FAR2: variants seen among roughly 807,000 people sequenced by gnomAD.
FAR2 encodes fatty acyl-CoA reductase 2.
Under a neutral mutation model 56.0 loss-of-function variants are expected in FAR2, and 19 were observed. The observed-to-expected ratio is 0.34, with a 90% CI of 0.24 to 0.50. The LOEUF is 0.50. Among genes scored for constraint, FAR2 ranks in the 20% least tolerant of loss-of-function variants. The pLI is 0.98. For synonymous variants in FAR2, 219 were observed against 218.8 expected (o/e 1.00, Z -0.01); for missense variants, 508 against 642.2 (o/e 0.79, Z 2.26).
rs1163899239 is a variant in FAR2, at chr12:29,297,196, C to T, written c.541C>T (p.Leu181Phe). 1 of 1,610,806 alleles carries T rather than the reference C, an allele frequency of 6.2e-7. No homozygotes were observed. The highest frequency in any genetic ancestry group is 8.5e-7 in the Non-Finnish European group (1 of 1,178,942). The stretch of plus-strand genomic sequence containing the variant: ...GGAGCCAAAAAAAATCATTGATTCC[C>T]TTGAGTAAGTTGGTCTAATAAAAGG... ...PVEPKKIIDSLEWLDDAIIDE... is the reference protein window; with the variant it reads ...PVEPKKIIDSFEWLDDAIIDE... The change falls in exon 4 of 12, where the codon CTT (leucine) becomes TTT (phenylalanine). Residue 181 changes from leucine (L) to phenylalanine (F), a missense_variant. Leu to Phe is a conservative substitution (Grantham distance 22, BLOSUM62 0). Transcript: ENST00000536681.
chr12:29,151,783 G>A (rs1949683281), intron 1 of FAR2: 1 of 152,124 alleles, frequency 6.6e-6, no homozygotes, highest in Non-Finnish European at 1.5e-5. Flanking sequence ...TTTCCTCATT[G>A]ACAAAATAAA....
intron 1 of FAR2, among the ~76,000 whole-genome samples, chr12:29,260,406 T>C (rs1213805315): frequency 6.6e-6 from 1 of 152,154 alleles, no homozygotes; most frequent in Non-Finnish European, 1.5e-5. Context: ...CTCATGACAA[T>C]TGGGTAATGA....
At chr12:29,270,699 A>T in intron 2 of FAR2, 61 bp downstream of exon 2, 1 of 1,441,694 alleles carries the variant, frequency 6.9e-7, no homozygotes, top group Non-Finnish European at 9.4e-7. Flanking sequence ...GATTCACTAC[A>T]ATGTTCTCTT....
chr12:29,313,766 A>T (rs1435856547), intron 8 of FAR2, among the ~76,000 whole-genome samples: 1 of 150,336 alleles, frequency 6.7e-6, no homozygotes, highest in Non-Finnish European at 1.5e-5. Flanking sequence ...TTAATTCATA[A>T]TAGTTGTGTG....
At position 29,296,099 on chromosome 12, in the gene FAR2, A is replaced by G. The variant is rs139415401; in HGVS notation, c.366-922A>G. On this transcript the variant is annotated intron_variant, in intron 3 of 11. Transcript: ENST00000536681. ...CGTAATTTTTATCAGTGGACACCTTACTGAATTATAGTACATTTCAGTTTT... is the reference window on the plus strand; with the variant it reads ...CGTAATTTTTATCAGTGGACACCTTGCTGAATTATAGTACATTTCAGTTTT... 1.4e-4 allele frequency among the ~76,000 whole-genome samples: 21 copies of G among 152,284 alleles called. No individual in the cohort carries two copies. The East Asian group carries it at 3.9e-3, about 28-fold the overall frequency.
At chr12:29,263,119 C>T (rs1158499477) in intron 1 of FAR2, among the ~76,000 whole-genome samples, 1 of 152,006 alleles carries the variant, frequency 6.6e-6, no homozygotes, top group Non-Finnish European at 1.5e-5. Context: ...AATATATATG[C>T]ACCCAACACT....
intron 3 of FAR2, 45 bp downstream of exon 3, chr12:29,293,520 A>G (rs1436755403): frequency 3.0e-6 from 4 of 1,312,568 alleles, no homozygotes; most frequent in Non-Finnish European, 3.9e-6. Context: ...ATATGTGTGC[A>G]TGTAAATTTC....
intron 2 of FAR2, among the ~76,000 whole-genome samples, chr12:29,274,940 A>G (rs1271033911): frequency 6.8e-6 from 1 of 147,544 alleles, no homozygotes; most frequent in Non-Finnish European, 1.5e-5. Flanking sequence ...TGGTCTCCTC[A>G]AATGGACGCG....
At chr12:29,214,867 C>A (rs921109636) in intron 1 of FAR2, among the ~76,000 whole-genome samples, 1 of 151,558 alleles carries the variant, frequency 6.6e-6, no homozygotes, top group Non-Finnish European at 1.5e-5. Context: ...AAATAAAGAA[C>A]GTGAACATAG....
At chr12:29,226,432 C>G (rs1947769631) in intron 1 of FAR2, among the ~76,000 whole-genome samples, 1 of 152,102 alleles carries the variant, frequency 6.6e-6, no homozygotes, top group Non-Finnish European at 1.5e-5. Flanking sequence ...AGCCCTGGGA[C>G]AAGATCTTTG....
chr12:29,215,298 G>A (rs183239754), intron 1 of FAR2, among the ~76,000 whole-genome samples: 2 of 152,242 alleles, frequency 1.3e-5, no homozygotes, highest in Non-Finnish European at 2.9e-5. Context: ...TCATGCTTTT[G>A]TCTTGTATGT....
At chr12:29,233,423 C>T (rs1373983745) in intron 1 of FAR2, among the ~76,000 whole-genome samples, 1 of 152,174 alleles carries the variant, frequency 6.6e-6, no homozygotes, top group African/African-American at 2.4e-5. Context: ...CCCACAATTT[C>T]CATACCATTT....
At chr12:29,163,523 A>G (rs1272624946) in intron 1 of FAR2, among the ~76,000 whole-genome samples, 1 of 152,246 alleles carries the variant, frequency 6.6e-6, no homozygotes, top group Non-Finnish European at 1.5e-5. Flanking sequence ...TGTCTACATC[A>G]GATAAACGAC....
At chr12:29,289,102 G>A (rs1409116661) in intron 2 of FAR2, among the ~76,000 whole-genome samples, 1 of 152,078 alleles carries the variant, frequency 6.6e-6, no homozygotes, top group African/African-American at 2.4e-5. Context: ...TTGTTAAAAT[G>A]TCCATACTAC....
chr12:29,297,950 C>T (rs1293971328), intron 4 of FAR2, among the ~76,000 whole-genome samples: 1 of 149,184 alleles, frequency 6.7e-6, no homozygotes, highest in African/African-American at 2.5e-5. Flanking sequence ...TGGGGAGAAT[C>T]GCTTGAACCT....
chr12:29,252,974 A>C (rs1034298147), intron 1 of FAR2, among the ~76,000 whole-genome samples: 2 of 152,092 alleles, frequency 1.3e-5, no homozygotes, highest in Non-Finnish European at 2.9e-5. Flanking sequence ...GGTGGGCCTC[A>C]TCCAATCTGT....
At chr12:29,224,205 A>G (rs1591865818) in intron 1 of FAR2, among the ~76,000 whole-genome samples, 1 of 152,198 alleles carries the variant, frequency 6.6e-6, no homozygotes, top group African/African-American at 2.4e-5. Context: ...AAACTGACCA[A>G]GTTCACTATG....
intron 1 of FAR2, among the ~76,000 whole-genome samples, chr12:29,163,757 C>T (rs1413890618): frequency 6.6e-6 from 1 of 152,140 alleles, no homozygotes. Context: ...GAGACAGATT[C>T]GTGGATAGAA....
intron 3 of FAR2, among the ~76,000 whole-genome samples, chr12:29,295,683 C>T (rs1263718714): frequency 1.3e-5 from 2 of 149,924 alleles, no homozygotes; most frequent in Non-Finnish European, 3.0e-5. Flanking sequence ...TTTAAACGTT[C>T]AACTTTGGAC....
Sources: allele counts gnomAD v4.1 joint callset (sites outside exome capture counted in the v4.1 genomes callset), GRCh38; gene constraint gnomAD v4.1.1; transcripts MANE v1.5; gene names NCBI Gene and HGNC (gene_info 2026-07-23, HGNC 2026-07-21).